Variants in XPR1 observed in about 807,000 individuals in gnomAD.
The protein encoded by XPR1 is xenotropic and polytropic retrovirus receptor 1, also known as solute carrier family 53 member 1.
A neutral mutation model predicts 87.5 loss-of-function variants in XPR1; 28 were observed. The ratio of observed to expected loss-of-function variants is 0.32; its 90% CI spans 0.24 to 0.44. The LOEUF (loss-of-function observed/expected upper bound fraction) is 0.44. Among genes scored for constraint, XPR1 ranks in the 20% least tolerant of loss-of-function variants. The pLI, the probability that XPR1 is intolerant of heterozygous loss-of-function variation, is 1.00. For missense variants in XPR1, 559 were observed against 862.3 expected (o/e 0.65, Z 4.41); for synonymous variants, 300 against 306.1 (o/e 0.98, Z 0.21).
chr1:180,757,576 A>T (rs914428264), intron 2 of XPR1, among the ~76,000 whole-genome samples: 1 of 149,026 alleles, frequency 6.7e-6, no homozygotes, highest in Admixed American at 6.8e-5. Flanking sequence ...TGGCCCAATC[A>T]TGGTTCACTG....
At chr1:180,667,207 C>T (rs1056863066) in intron 1 of XPR1, among the ~76,000 whole-genome samples, 1 of 152,212 alleles carries the variant, frequency 6.6e-6, no homozygotes, top group Non-Finnish European at 1.5e-5. Flanking sequence ...GCCACTGAGC[C>T]TGGTCAAATT....
intron 11 of XPR1, among the ~76,000 whole-genome samples, chr1:180,841,025 A>C (rs1399227445): frequency 6.6e-6 from 1 of 152,202 alleles, no homozygotes; most frequent in African/African-American, 2.4e-5. Context: ...GACAAAGTAA[A>C]AAGGCATTAA....
Position 180,816,075 on chromosome 1 carries a change from T to C in XPR1, c.763+4587T>C, listed in dbSNP as rs60093636. Reference sequence around the variant, plus strand: ...TGTACAGTGGAATACCATGGAGATATTAAGATGAATGAGGTAATGGTGGGA... The same window carrying C: ...TGTACAGTGGAATACCATGGAGATACTAAGATGAATGAGGTAATGGTGGGA... On this transcript the variant is annotated intron_variant, in intron 7 of 14. Coordinates refer to ENST00000367590, the MANE Select transcript of XPR1 (RefSeq NM_004736.4). Among the ~76,000 whole-genome samples, 939 of 152,256 alleles carry C rather than the reference T, an allele frequency of 6.2e-3. 14 individuals carry two copies. The highest frequency in any genetic ancestry group is 0.021 in the African/African-American group (884 of 41,554).
chr1:180,764,395 A>G (rs1337494400), intron 2 of XPR1, among the ~76,000 whole-genome samples: 5 of 152,034 alleles, frequency 3.3e-5, no homozygotes, highest in African/African-American at 1.2e-4. Flanking sequence ...TCTAGTCCCA[A>G]GCATTTTGGA....
chr1:180,873,677 T>G, intron 12 of XPR1, 126 bp from the exon 13 acceptor site: 1 of 1,034,958 alleles, frequency 9.7e-7, no homozygotes, highest in Non-Finnish European at 1.4e-6. Flanking sequence ...AGTACAACTT[T>G]CCTCTTGAGC....
intron 7 of XPR1, among the ~76,000 whole-genome samples, chr1:180,822,499 C>G (rs1331943659): frequency 6.6e-6 from 1 of 152,182 alleles, no homozygotes; most frequent in East Asian, 1.9e-4. Context: ...TGACTTTATG[C>G]AGAACAGAAA....
intron 1 of XPR1, among the ~76,000 whole-genome samples, chr1:180,667,357 C>A (rs965822640): frequency 1.3e-5 from 2 of 151,928 alleles, no homozygotes; most frequent in African/African-American, 4.8e-5. Context: ...CATGTGATAT[C>A]CCCCCTTCAT....
intron 3 of XPR1, among the ~76,000 whole-genome samples, chr1:180,788,733 T>C (rs1649271268): frequency 6.6e-6 from 1 of 152,238 alleles, no homozygotes; most frequent in Non-Finnish European, 1.5e-5. Flanking sequence ...TTTTCATATT[T>C]AATATGCACA....
At chr1:180,744,658 T>C (rs1049457311) in intron 2 of XPR1, among the ~76,000 whole-genome samples, 5 of 136,970 alleles carry the variant, frequency 3.7e-5, no homozygotes, top group South Asian at 4.7e-4. Context: ...TTCTTTCTTT[T>C]TTTTTTTTTT....
At chr1:180,745,714 A>G (rs1184047952) in intron 2 of XPR1, among the ~76,000 whole-genome samples, 1 of 152,200 alleles carries the variant, frequency 6.6e-6, no homozygotes, top group Non-Finnish European at 1.5e-5. Flanking sequence ...GGCAGCATTG[A>G]GTACAGGCCA....
intron 1 of XPR1, among the ~76,000 whole-genome samples, chr1:180,680,513 A>G (rs1656538714): frequency 2.6e-5 from 4 of 151,842 alleles, no homozygotes; most frequent in African/African-American, 7.3e-5. Flanking sequence ...CTACAGGCAC[A>G]TGCCCCACAC....
intron 1 of XPR1, among the ~76,000 whole-genome samples, chr1:180,679,398 G>A (rs1233165853): frequency 6.6e-6 from 1 of 152,064 alleles, no homozygotes; most frequent in Non-Finnish European, 1.5e-5. Context: ...CTAGATGCCG[G>A]GAATGCTGCT....
rs115091744 is a variant in XPR1, at chr1:180,707,353, G to A, written c.121+24942G>A. Among the ~76,000 whole-genome samples the A allele has an allele frequency of 7.6e-3, 1,162 of 152,224 alleles. 11 individuals are homozygous for A. The highest frequency in any genetic ancestry group is 0.013 in the Non-Finnish European group (852 of 68,008). On this transcript the variant is annotated intron_variant, in intron 2 of 14. Transcript: ENST00000367590. ...CTCTCCCTCCTACCCTCCACCCTCCGATAGGCTAGTGTGTGTTGCTCCCCT... is the reference window on the plus strand; with the variant it reads ...CTCTCCCTCCTACCCTCCACCCTCCAATAGGCTAGTGTGTGTTGCTCCCCT...
chr1:180,861,033 G>A (rs1262433992), intron 11 of XPR1, among the ~76,000 whole-genome samples: 1 of 151,866 alleles, frequency 6.6e-6, no homozygotes, highest in Non-Finnish European at 1.5e-5. Context: ...TATTTCTTCA[G>A]TAATTAGTAA....
At position 180,704,826 on chromosome 1, in the gene XPR1, T is replaced by G. The variant is rs1217515044; in HGVS notation, c.121+22415T>G. On this transcript the variant is annotated intron_variant, in intron 2 of 14. Transcript: ENST00000367590. Reference sequence around the variant, plus strand: ...GGGACTGTTGGTTGTTTTTTTTTTTTTTTTTTTTTTTTTAAGTAATAATCA... The same window carrying G: ...GGGACTGTTGGTTGTTTTTTTTTTTGTTTTTTTTTTTTTAAGTAATAATCA... 3.4e-5 allele frequency among the ~76,000 whole-genome samples: 5 copies of G among 145,034 alleles called. No individual in the cohort carries two copies. In the East Asian group the frequency reaches 7.9e-4, roughly 23 times the overall value.
At chr1:180,874,107 C>A in intron 13 of XPR1, 165 bp downstream of exon 13, 1 of 857,534 alleles carries the variant, frequency 1.2e-6, no homozygotes, top group Non-Finnish European at 1.7e-6. Context: ...GTTGGCCAGG[C>A]TGATCTCGAA....
intron 1 of XPR1, among the ~76,000 whole-genome samples, chr1:180,648,951 A>G (rs1351568010): frequency 6.6e-6 from 1 of 152,152 alleles, no homozygotes; most frequent in Non-Finnish European, 1.5e-5. Flanking sequence ...TAGTTTATGT[A>G]TGTATTTTTT....
At chr1:180,704,805 C>G (rs1657499529) in intron 2 of XPR1, among the ~76,000 whole-genome samples, 1 of 103,270 alleles carries the variant, frequency 9.7e-6, no homozygotes, top group Non-Finnish European at 2.0e-5. Flanking sequence ...TTTCCAGGGA[C>G]TGTTGGTTGT....
At chr1:180,732,257 A>G (rs7525801) in intron 2 of XPR1, among the ~76,000 whole-genome samples, 6,315 of 151,338 alleles carry the variant, frequency 0.042, 472 homozygotes, top group African/African-American at 0.14. Flanking sequence ...TTTTCAATAC[A>G]TCAAGTAAAA....
Sources: allele counts gnomAD v4.1 joint callset (sites outside exome capture counted in the v4.1 genomes callset), GRCh38; gene constraint gnomAD v4.1.1; transcripts MANE v1.5; gene names NCBI Gene and HGNC (gene_info 2026-07-23, HGNC 2026-07-21).